Variants in MRTFA observed in about 807,000 individuals in gnomAD.
The protein encoded by MRTFA is myocardin related transcription factor A, also known as myocardin-related transcription factor A.
MRTFA carries 20 observed loss-of-function variants against 83.5 expected under a neutral mutation model. That is an observed-to-expected ratio of 0.24 (90% CI 0.17 to 0.35). MRTFA has a LOEUF of 0.35. Ranked by LOEUF, MRTFA falls within the 10% of genes least tolerant of loss-of-function variation. MRTFA has a pLI of 1.00. For missense variants in MRTFA, 1,200 were observed against 1,224.7 expected, an observed-to-expected ratio of 0.98 and a Z score of 0.30; for synonymous variants, 659 against 541.2, an observed-to-expected ratio of 1.22 and a Z score of -3.02.
intron 3 of MRTFA, among the ~76,000 whole-genome samples, chr22:40,503,355 G>A (rs991660214): frequency 2.0e-5 from 3 of 152,186 alleles, no homozygotes; most frequent in Non-Finnish European, 4.4e-5. Context: ...GATTACAGGC[G>A]TGTGCCACTA....
intron 4 of MRTFA, among the ~76,000 whole-genome samples, chr22:40,450,020 C>G (rs1215862895): frequency 6.6e-6 from 1 of 152,188 alleles, no homozygotes. Context: ...GAGAGGGTCC[C>G]TCACACACTG....
At chr22:40,534,336 T>C (rs913683278) in intron 3 of MRTFA, among the ~76,000 whole-genome samples, 4 of 152,352 alleles carry the variant, frequency 2.6e-5, no homozygotes, top group Middle Eastern at 3.4e-3. Flanking sequence ...TCTGAATACA[T>C]TCCAGAGCTG....
At chr22:40,470,254 TATA>T (rs1395517357) in intron 3 of MRTFA, among the ~76,000 whole-genome samples, 2 of 88,362 alleles carry the variant, frequency 2.3e-5, no homozygotes, top group African/African-American at 9.5e-5. Flanking sequence ...TATATATATA[TATA>T]TATATATATA....
In MRTFA at chr22:40,410,802, T is replaced by C. The variant is rs913685738; in HGVS notation, c.*588A>G. On this transcript the variant is annotated 3_prime_UTR_variant, in exon 15 of 15. Transcript: ENST00000355630. ...GCCCCCCCCCAAAAATATATATGTA[T>C]GTCGATATATAATATAGAGGTATAT... 1.7e-5 allele frequency: 4 copies of C among 232,272 alleles called. No individual in the cohort carries two copies. Among genetic ancestry groups the C allele is most frequent in the Non-Finnish European group, 2.5e-5 (3 of 117,746 alleles). The allele number at this position is 232,272 out of a possible 1,614,324, so 14.4% of individuals were successfully genotyped here.
chr22:40,466,290 G>T (rs759770328), intron 3 of MRTFA, among the ~76,000 whole-genome samples: 39 of 152,278 alleles, frequency 2.6e-4, no homozygotes, highest in Non-Finnish European at 3.2e-4. Context: ...TGTGTTAAGT[G>T]ACTGTCATGC....
chr22:40,534,092 G>A (rs1025301918), intron 3 of MRTFA, among the ~76,000 whole-genome samples: 1 of 152,206 alleles, frequency 6.6e-6, no homozygotes, highest in African/African-American at 2.4e-5. Context: ...TCAAGCTCAT[G>A]AAAGAAGCAG....
intron 4 of MRTFA, among the ~76,000 whole-genome samples, chr22:40,459,905 A>G (rs1225736994): frequency 7.0e-6 from 1 of 143,550 alleles, no homozygotes; most frequent in Non-Finnish European, 1.5e-5. Flanking sequence ...ATAGTCTAGC[A>G]GGAGATACAA....
chr22:40,551,984 C>CAA (rs970348777), intron 3 of MRTFA, 122 bp downstream of exon 3: 36 of 387,928 alleles, frequency 9.3e-5, no homozygotes, highest in African/African-American at 6.8e-4. Context: ...ATCTATTTTA[C>CAA]AAGAAATGTT....
At chr22:40,533,215 A>G (rs1045169898) in intron 3 of MRTFA, among the ~76,000 whole-genome samples, 4 of 152,242 alleles carry the variant, frequency 2.6e-5, no homozygotes, top group African/African-American at 9.6e-5. Context: ...TTTCATAAAA[A>G]CATAGAGTCT....
Position 40,545,499 on chromosome 22 carries a change from C to G in MRTFA, c.241+6607G>C, listed in dbSNP as rs140735724. On this transcript the variant is annotated intron_variant, in intron 3 of 14. Coordinates refer to ENST00000355630, the MANE Select transcript of MRTFA (RefSeq NM_020831.6). ...AGGCTGGAGTGCAGTGGCGCTATCT[C>G]CCGGCTCACTGCAACCTCCGCCTCC... Among the ~76,000 whole-genome samples, 1,163 of 151,714 alleles carry G rather than the reference C, an allele frequency of 7.7e-3. 11 individuals are homozygous for G. Among genetic ancestry groups the G allele is most frequent in the Non-Finnish European group, 0.01 (705 of 67,922 alleles).
chr22:40,535,342 T>C (rs1454858954), intron 3 of MRTFA, among the ~76,000 whole-genome samples: 1 of 87,530 alleles, frequency 1.1e-5, no homozygotes, highest in South Asian at 2.9e-4. Flanking sequence ...GTGTGAGAGG[T>C]TTTTTCTTTT....
chr22:40,592,199 T>C (rs2056130324), intron 2 of MRTFA, among the ~76,000 whole-genome samples: 1 of 139,530 alleles, frequency 7.2e-6, no homozygotes, highest in African/African-American at 2.7e-5. Flanking sequence ...GAGGCCGGGG[T>C]AGGAGAATTA....
intron 3 of MRTFA, among the ~76,000 whole-genome samples, chr22:40,490,577 C>T (rs1320006162): frequency 2.0e-5 from 3 of 146,772 alleles, no homozygotes; most frequent in African/African-American, 5.1e-5. Context: ...CCAGCCTGGG[C>T]GACAGAGTGA....
chr22:40,466,561 T>C (rs2147159224), intron 3 of MRTFA, among the ~76,000 whole-genome samples: 1 of 152,332 alleles, frequency 6.6e-6, no homozygotes, highest in African/African-American at 2.4e-5. Flanking sequence ...AAAGGGCAAA[T>C]AATTGTCATC....
chr22:40,427,683 T>C (rs184362208), intron 7 of MRTFA, among the ~76,000 whole-genome samples: 3 of 152,322 alleles, frequency 2.0e-5, no homozygotes, highest in Non-Finnish European at 4.4e-5. Context: ...ACCCTTGGAA[T>C]TTCCTTAAGG....
chr22:40,530,485 T>TG (rs201625939), intron 3 of MRTFA, among the ~76,000 whole-genome samples: 575 of 152,288 alleles, frequency 3.8e-3, no homozygotes, highest in African/African-American at 0.012. Flanking sequence ...TTAGTAGAGA[T>TG]GGGGTTTCAC....
chr22:40,569,685 A>G (rs149799314), intron 2 of MRTFA: 3 of 152,686 alleles, frequency 2.0e-5, no homozygotes, highest in African/African-American at 7.2e-5. Context: ...ACTGCAGTCC[A>G]GCCTGGGTGA....
intron 2 of MRTFA, among the ~76,000 whole-genome samples, chr22:40,555,757 C>T (rs987926489): frequency 1.3e-5 from 2 of 151,840 alleles, no homozygotes; most frequent in East Asian, 3.9e-4. Context: ...CTGTCTCAGC[C>T]TCCCGAGTAG....
intron 7 of MRTFA, among the ~76,000 whole-genome samples, chr22:40,427,844 T>A (rs946306164): frequency 6.6e-6 from 1 of 152,128 alleles, no homozygotes; most frequent in African/African-American, 2.4e-5. Context: ...ATCAGCGCCA[T>A]CCACCAACCT....
Sources: gnomAD v4.1 joint callset for allele counts (sites outside exome capture counted in the v4.1 genomes callset) on GRCh38, gnomAD v4.1.1 for gene constraint, MANE v1.5 for transcripts, NCBI Gene and HGNC (gene_info 2026-07-23, HGNC 2026-07-21) for gene names.